SUMF1: variants seen among roughly 807,000 people sequenced by gnomAD.
The protein encoded by SUMF1 is sulfatase modifying factor 1.
SUMF1 carries 48 observed loss-of-function variants against 47.6 expected under a neutral mutation model. That is an observed-to-expected ratio of 1.01 (90% confidence interval 0.80 to 1.28). The LOEUF is 1.28. Ranked by LOEUF, SUMF1 falls within the 50% of genes most tolerant of loss-of-function variation. The pLI, the probability that SUMF1 is intolerant of heterozygous loss-of-function variation, is 0.00. For synonymous variants in SUMF1, 230 were observed against 192.1 expected (o/e 1.20, Z -1.63); for missense variants, 571 against 485.4 (o/e 1.18, Z -1.66).
chr3:4,083,489 G>A (rs1692609592), intron 8 of SUMF1, among the ~76,000 whole-genome samples: 1 of 152,116 alleles, frequency 6.6e-6, no homozygotes, highest in African/African-American at 2.4e-5. Context: ...ACCCCAGCGT[G>A]ACTATGAAAC....
At chr3:4,285,766 T>A (rs1697620801) in intron 8 of SUMF1, among the ~76,000 whole-genome samples, 1 of 152,100 alleles carries the variant, frequency 6.6e-6, no homozygotes, top group Admixed American at 6.5e-5. Context: ...ATACTTTCAA[T>A]AACAAAGGTT....
intron 3 of SUMF1, among the ~76,000 whole-genome samples, chr3:4,431,490 T>A (rs1374456136): frequency 6.6e-6 from 1 of 152,230 alleles, no homozygotes; most frequent in Non-Finnish European, 1.5e-5. Context: ...ACTGTGGGAA[T>A]GGGGGACCAC....
chr3:4,225,994 G>A (rs1279645645), intron 8 of SUMF1, among the ~76,000 whole-genome samples: 5 of 152,006 alleles, frequency 3.3e-5, no homozygotes, highest in Admixed American at 2.0e-4. Flanking sequence ...AGAATAGGAG[G>A]AGGACACCAG....
intron 8 of SUMF1, among the ~76,000 whole-genome samples, chr3:4,319,854 C>T (rs917652294): frequency 2.0e-5 from 3 of 152,154 alleles, no homozygotes; most frequent in Admixed American, 1.3e-4. Context: ...CACAGAAAGT[C>T]CTGTATGAAC....
intron 9 of SUMF1, among the ~76,000 whole-genome samples, chr3:4,039,064 C>T (rs1694859494): frequency 6.6e-6 from 1 of 151,886 alleles, no homozygotes; most frequent in African/African-American, 2.4e-5. Flanking sequence ...AACATTAAAG[C>T]ACTCCCCCCT....
chr3:4,103,729 A>G (rs3846149), intron 8 of SUMF1, among the ~76,000 whole-genome samples: 16,493 of 152,166 alleles, frequency 0.11, 1,763 homozygotes, highest in African/African-American at 0.25. Context: ...CATAAATCAC[A>G]TAATCAGATC....
intron 3 of SUMF1, among the ~76,000 whole-genome samples, chr3:4,443,220 G>C (rs1702665626): frequency 6.6e-6 from 1 of 152,070 alleles, no homozygotes; most frequent in African/African-American, 2.4e-5. Flanking sequence ...GGAGGGTACA[G>C]TGAGCCAAGA....
At chr3:4,431,744 C>G (rs770176381) in intron 3 of SUMF1, among the ~76,000 whole-genome samples, 1 of 152,188 alleles carries the variant, frequency 6.6e-6, no homozygotes, top group South Asian at 2.1e-4. Context: ...AAGTCACAGA[C>G]CAAGGTGGGG....
chr3:4,160,034 G>C (rs9836998), intron 8 of SUMF1, among the ~76,000 whole-genome samples: 20,337 of 151,994 alleles, frequency 0.13, 1,414 homozygotes, highest in Middle Eastern at 0.19. Context: ...CCTTGGGGTA[G>C]CCTTCTTTAG....
intron 2 of SUMF1, among the ~76,000 whole-genome samples, chr3:4,452,438 ATG>A (rs2125132546): frequency 6.6e-6 from 1 of 152,358 alleles, no homozygotes; most frequent in African/African-American, 2.4e-5. Flanking sequence ...CTTAAAAAAT[ATG>A]AAATGCTTCT....
chr3:4,243,350 T>C (rs576693331), intron 8 of SUMF1, among the ~76,000 whole-genome samples: 1 of 152,346 alleles, frequency 6.6e-6, no homozygotes, highest in Non-Finnish European at 1.5e-5. Context: ...TTAATTGTAG[T>C]GTTAGGCTGT....
chr3:4,295,751 C>A (rs1482079827), intron 8 of SUMF1, among the ~76,000 whole-genome samples: 1 of 152,040 alleles, frequency 6.6e-6, no homozygotes, highest in African/African-American at 2.4e-5. Context: ...TCAAACAATC[C>A]ACATTTGACT....
At chr3:4,081,979 A>G (rs1341531306) in intron 8 of SUMF1, among the ~76,000 whole-genome samples, 1 of 152,140 alleles carries the variant, frequency 6.6e-6, no homozygotes, top group African/African-American at 2.4e-5. Flanking sequence ...GTGTAAGGGT[A>G]TAAGTCTTTG....
chr3:4,333,730 C>T (rs1388770378), intron 8 of SUMF1, among the ~76,000 whole-genome samples: 6 of 151,792 alleles, frequency 4.0e-5, no homozygotes, highest in Non-Finnish European at 8.8e-5. Flanking sequence ...CAATGAAGAT[C>T]GCAAAGAAGA....
chr3:4,221,470 C>T (rs1696063531), intron 8 of SUMF1, among the ~76,000 whole-genome samples: 1 of 150,960 alleles, frequency 6.6e-6, no homozygotes, highest in African/African-American at 2.4e-5. Context: ...TTTCTTAATG[C>T]ACAGATGCTA....
chr3:4,170,720 T>A (rs890149181), intron 8 of SUMF1, among the ~76,000 whole-genome samples: 2 of 152,078 alleles, frequency 1.3e-5, no homozygotes, highest in Non-Finnish European at 2.9e-5. Flanking sequence ...GAAAAGATAA[T>A]TCAGTGAAAA....
chr3:4,253,303 G>A (rs1026795466), intron 8 of SUMF1, among the ~76,000 whole-genome samples: 2 of 152,298 alleles, frequency 1.3e-5, no homozygotes, highest in South Asian at 2.1e-4. Context: ...AGCTCCCAGC[G>A]TGAGTGACGC....
intron 3 of SUMF1, 66 bp from the exon 4 acceptor site, chr3:4,420,212 G>A: frequency 7.9e-7 from 1 of 1,261,684 alleles, no homozygotes; most frequent in Non-Finnish European, 1.2e-6. Flanking sequence ...TATCAACTCA[G>A]TACATGCAGC....
intron 8 of SUMF1, among the ~76,000 whole-genome samples, chr3:4,263,110 A>C (rs1643119973): frequency 6.6e-6 from 1 of 152,198 alleles, no homozygotes; most frequent in Admixed American, 6.5e-5. Flanking sequence ...TTAGTTCTAA[A>C]TAAATGGAGA....
Sources: allele counts gnomAD v4.1 joint callset (sites outside exome capture counted in the v4.1 genomes callset), GRCh38; gene constraint gnomAD v4.1.1; transcripts MANE v1.5; gene names NCBI Gene and HGNC (gene_info 2026-07-23, HGNC 2026-07-21).